The following MORN5 variants were observed in gnomAD, a reference collection of about 807,000 sequenced individuals.
MORN5 encodes MORN repeat containing 5.
Under a neutral mutation model 22.1 loss-of-function variants are expected in MORN5, and 21 were observed. The ratio of observed to expected loss-of-function variants is 0.95; its 90% CI spans 0.67 to 1.37. MORN5 has a LOEUF of 1.37. Ranked by LOEUF, MORN5 falls within the 40% of genes most tolerant of loss-of-function variation. The pLI, the probability that MORN5 is intolerant of heterozygous loss-of-function variation, is 0.00. For synonymous variants in MORN5, 73 were observed against 74.0 expected, an observed-to-expected ratio of 0.99 and a Z score of 0.07; for missense variants, 211 against 215.1, an observed-to-expected ratio of 0.98 and a Z score of 0.12.
chr9:122,189,841 C>T lies in MORN5; in HGVS notation c.440-10044C>T, dbSNP rs369630275. On this transcript the variant is annotated intron_variant, in intron 4 of 4. Coordinates refer to ENST00000373764, the MANE Select transcript of MORN5 (RefSeq NM_198469.4). Reference sequence around the variant, plus strand: ...CAGGATGGTCTCGATCTCCTGACCTCGTGATCTGCCTGCCTCGGCCTCCCA... The same window carrying T: ...CAGGATGGTCTCGATCTCCTGACCTTGTGATCTGCCTGCCTCGGCCTCCCA... 2.0e-4 allele frequency among the ~76,000 whole-genome samples: 30 copies of T among 152,194 alleles called. 1 individual carries two copies. The highest frequency in any genetic ancestry group is 6.5e-4 in the African/African-American group (27 of 41,542).
At chr9:122,166,185 A>T (rs1267930349) in intron 1 of MORN5, among the ~76,000 whole-genome samples, 1 of 152,088 alleles carries the variant, frequency 6.6e-6, no homozygotes, top group African/African-American at 2.4e-5. Flanking sequence ...GTTACCTCCC[A>T]CTGAGTCCCT....
intron 4 of MORN5, among the ~76,000 whole-genome samples, chr9:122,177,621 C>T (rs544947732): frequency 3.3e-5 from 5 of 152,150 alleles, no homozygotes; most frequent in East Asian, 1.9e-4. Context: ...TTAGTAGAGG[C>T]GGGGTTTTGC....
intron 3 of MORN5, among the ~76,000 whole-genome samples, chr9:122,170,895 G>A (rs1829356051): frequency 6.6e-6 from 1 of 152,064 alleles, no homozygotes; most frequent in South Asian, 2.1e-4. Context: ...GTTGATGGGT[G>A]CAGCAAACCA....
chr9:122,170,628 T>C (rs1286663213), intron 3 of MORN5, among the ~76,000 whole-genome samples: 1 of 152,110 alleles, frequency 6.6e-6, no homozygotes, highest in Admixed American at 6.6e-5. Context: ...TCACTCCAGG[T>C]TGAGGCTGTG....
chr9:122,164,622 G>A (rs912923811), intron 1 of MORN5: 18 of 985,532 alleles, frequency 1.8e-5, no homozygotes, highest in Non-Finnish European at 2.2e-5. Flanking sequence ...TCTGTGAGAG[G>A]TCTGAACAGT....
chr9:122,188,755 C>T (rs1829696947), intron 4 of MORN5, among the ~76,000 whole-genome samples: 1 of 152,230 alleles, frequency 6.6e-6, no homozygotes, highest in Admixed American at 6.5e-5. Flanking sequence ...GGAACAGCAA[C>T]ATCAACAGTG....
In MORN5 at chr9:122,164,511, G is replaced by A. The variant is rs534731876; in HGVS notation, c.48-2257G>A. The A allele has an allele frequency of 5.2e-4, 498 of 958,350 alleles. 3 individuals are homozygous for A. The highest frequency in any genetic ancestry group is 3.7e-4 in the Non-Finnish European group (295 of 805,272). The allele number at this position is 958,350 out of a possible 1,614,324, so 59.4% of individuals were successfully genotyped here. The stretch of plus-strand genomic sequence containing the variant: ...AGCCCTGGGCCCAGCTCCTGGCCTT[G>A]AACCAGAGGATTCTGATACCATTCA... On this transcript the variant is annotated intron_variant, in intron 1 of 4. Coordinates refer to ENST00000373764, the MANE Select transcript of MORN5 (RefSeq NM_198469.4).
At chr9:122,166,139 G>C (rs1206367126) in intron 1 of MORN5, among the ~76,000 whole-genome samples, 1 of 152,114 alleles carries the variant, frequency 6.6e-6, no homozygotes, top group African/African-American at 2.4e-5. Context: ...TCACTATCAT[G>C]AGAACAGCAT....
Position 122,160,118 on chromosome 9 carries a change from C to G in MORN5, c.47+99C>G. ...CGAAACACCTTGTGCCAGGCACTTT[C>G]ACAAACTTGCCCGAGTAATTTTTTC... On this transcript the variant is annotated intron_variant, in intron 1 of 4. Coordinates refer to ENST00000373764, the MANE Select transcript of MORN5 (RefSeq NM_198469.4). 4 of 1,105,000 alleles carry G rather than the reference C, an allele frequency of 3.6e-6. No individual in the cohort carries two copies. In the South Asian group the frequency reaches 6.0e-5, roughly 17 times the overall value. 68.4% of individuals were successfully genotyped at this position (1,105,000 alleles called of 1,614,324 possible). A position where few individuals can be genotyped will look rare whatever the true frequency, so the allele number is the denominator to read the frequency against.
chr9:122,175,660 C>T (rs1237733594), intron 4 of MORN5: 1 of 985,104 alleles, frequency 1.0e-6, no homozygotes, highest in Non-Finnish European at 1.2e-6. Flanking sequence ...GTGAATGGTC[C>T]CTCTAAAGAC....
At chr9:122,170,064 A>T (rs1432912888) in intron 3 of MORN5, among the ~76,000 whole-genome samples, 1 of 152,144 alleles carries the variant, frequency 6.6e-6, no homozygotes, top group Admixed American at 6.5e-5. Context: ...TTGGGAGGCC[A>T]AGGCGGGTGG....
chr9:122,195,412 G>A (rs1829867100), intron 4 of MORN5, among the ~76,000 whole-genome samples: 1 of 152,148 alleles, frequency 6.6e-6, no homozygotes, highest in African/African-American at 2.4e-5. Context: ...TTCTGTTGCA[G>A]GATCCCATCC....
intron 4 of MORN5, among the ~76,000 whole-genome samples, chr9:122,185,069 T>C (rs906711143): frequency 1.6e-4 from 24 of 152,124 alleles, no homozygotes; most frequent in Non-Finnish European, 2.8e-4. Context: ...CTTTTTTTTT[T>C]CTTTGAGACG....
intron 4 of MORN5, among the ~76,000 whole-genome samples, chr9:122,183,855 A>C (rs1252177883): frequency 6.6e-6 from 1 of 152,188 alleles, no homozygotes; most frequent in Non-Finnish European, 1.5e-5. Context: ...TAAAAATATC[A>C]CACACCAGTG....
chr9:122,174,882 G>T, intron 4 of MORN5: 1 of 1,286,672 alleles, frequency 7.8e-7, no homozygotes, highest in Non-Finnish European at 9.9e-7. Context: ...AAGGATTAAG[G>T]TACTTATTTT....
Position 122,199,857 on chromosome 9 carries a change from A to G in MORN5, c.440-28A>G, listed in dbSNP as rs373215864. The G allele has an allele frequency of 4.3e-6, 7 of 1,613,642 alleles. No homozygotes were observed. The African/African-American group carries it at 6.7e-5, about 15-fold the overall frequency. ...GGAAAGGTCCCAGCGAGCACCAAGCATGACCAGCTCTTCCTCTTTCCTTGC... is the reference window on the plus strand; with the variant it reads ...GGAAAGGTCCCAGCGAGCACCAAGCGTGACCAGCTCTTCCTCTTTCCTTGC... On this transcript the variant is annotated intron_variant, in intron 4 of 4. Coordinates refer to ENST00000373764, the MANE Select transcript of MORN5 (RefSeq NM_198469.4).
At chr9:122,182,012 G>T (rs1405853364) in intron 4 of MORN5, among the ~76,000 whole-genome samples, 2 of 152,158 alleles carry the variant, frequency 1.3e-5, no homozygotes, top group East Asian at 1.9e-4. Context: ...AGACAGATGT[G>T]CCTGGATATG....
intron 4 of MORN5, chr9:122,175,306 T>C (rs1347610264): frequency 4.4e-6 from 1 of 225,132 alleles, no homozygotes; most frequent in Non-Finnish European, 7.4e-6. Flanking sequence ...AGGGGAGTGA[T>C]CCCTTGAGGT....
intron 3 of MORN5, 131 bp from the exon 4 acceptor site, chr9:122,174,365 G>A: frequency 9.9e-7 from 1 of 1,010,220 alleles, no homozygotes; most frequent in Non-Finnish European, 1.5e-6. Context: ...CTTGCCCTGA[G>A]TAGGGGGTAT....
Sources: gnomAD v4.1 joint callset for allele counts (sites outside exome capture counted in the v4.1 genomes callset) on GRCh38, gnomAD v4.1.1 for gene constraint, MANE v1.5 for transcripts, NCBI Gene and HGNC (gene_info 2026-07-23, HGNC 2026-07-21) for gene names.